The following PTCHD4 variants were observed in gnomAD, a reference collection of about 807,000 sequenced individuals.
PTCHD4 encodes patched domain containing 4.
A neutral mutation model predicts 58.1 loss-of-function variants in PTCHD4; 33 were observed. The observed-to-expected ratio is 0.57, with a 90% CI of 0.43 to 0.76. The LOEUF (loss-of-function observed/expected upper bound fraction) is 0.76. PTCHD4 is among the 30% of genes least tolerant of loss of function. PTCHD4 has a pLI of 0.00. For synonymous variants in PTCHD4, 478 were observed against 409.6 expected, an observed-to-expected ratio of 1.17 and a Z score of -2.02; for missense variants, 1,058 against 1,027.1, an observed-to-expected ratio of 1.03 and a Z score of -0.41.
intron 3 of PTCHD4, among the ~76,000 whole-genome samples, chr6:48,027,131 T>C (rs1038825353): frequency 1.3e-5 from 2 of 152,134 alleles, no homozygotes; most frequent in Non-Finnish European, 2.9e-5. Context: ...GATATGTATA[T>C]GTAATATTTT....
intron 4 of PTCHD4, among the ~76,000 whole-genome samples, chr6:47,908,441 C>A (rs1764970009): frequency 6.6e-6 from 1 of 152,162 alleles, no homozygotes. Flanking sequence ...TTGACTAATG[C>A]CTCCAGGACA....
chr6:48,102,821 C>A (rs534529295), intron 1 of PTCHD4, among the ~76,000 whole-genome samples: 1 of 152,206 alleles, frequency 6.6e-6, no homozygotes, highest in Non-Finnish European at 1.5e-5. Context: ...GCACATGGCT[C>A]GGAGGGTCCT....
intron 1 of PTCHD4, among the ~76,000 whole-genome samples, chr6:48,085,548 T>G (rs931862074): frequency 6.6e-6 from 1 of 152,236 alleles, no homozygotes; most frequent in Non-Finnish European, 1.5e-5. Context: ...TAGCTGACTA[T>G]TGATATACTC....
intron 1 of PTCHD4, among the ~76,000 whole-genome samples, chr6:48,106,643 GA>G (rs1260786289): frequency 6.6e-6 from 1 of 152,146 alleles, no homozygotes; most frequent in Non-Finnish European, 1.5e-5. Flanking sequence ...ATTCAATTAG[GA>G]AAAGAGGAAG....
rs773139815 is a variant in PTCHD4 at position 47,878,987 on chromosome 6, C to T, written c.1848G>A (p.Gln616=). 3 of 1,613,170 alleles carry T rather than the reference C, an allele frequency of 1.9e-6. No homozygotes were observed. In the South Asian group the frequency reaches 3.3e-5, roughly 18 times the overall value. ...YLVARTSRDK[Q]KEITEVLEKL... Reference sequence around the variant, plus strand: ...TTTCCAACACTTCTGTGATTTCTTTCTGCTTGTCTCTGCTAGTCCTGGCCA... The same window carrying T: ...TTTCCAACACTTCTGTGATTTCTTTTTGCTTGTCTCTGCTAGTCCTGGCCA... The change falls in exon 5 of 5, where the codon CAG becomes CAA. Residue 616 remains glutamine (Q), a synonymous_variant. Coordinates refer to ENST00000339488, the MANE Select transcript of PTCHD4 (RefSeq NM_001384253.1).
intron 4 of PTCHD4, among the ~76,000 whole-genome samples, chr6:47,896,317 A>C (rs1764528276): frequency 6.6e-6 from 1 of 152,240 alleles, no homozygotes; most frequent in Admixed American, 6.5e-5. Context: ...CAAAGGAAAG[A>C]AACCCGTTTC....
rs1392740183 is a variant in PTCHD4 at position 47,870,927 on chromosome 6, A to G, written c.*7376T>C. Among the ~76,000 whole-genome samples, 2 of 151,550 alleles carry G rather than the reference A, an allele frequency of 1.3e-5. No individual in the cohort carries two copies. The highest frequency in any genetic ancestry group is 4.8e-5 in the African/African-American group (2 of 41,356). ...GAACCTATATGTAATAGAGTATTTT[A>G]GAAGGAATATTGTTATGGGTAAAGA... On this transcript the variant is annotated 3_prime_UTR_variant, in exon 5 of 5. Coordinates refer to ENST00000339488, the MANE Select transcript of PTCHD4 (RefSeq NM_001384253.1).
chr6:47,938,945 C>T (rs1241768647), intron 4 of PTCHD4, among the ~76,000 whole-genome samples: 3 of 151,990 alleles, frequency 2.0e-5, no homozygotes, highest in Middle Eastern at 3.4e-3. Context: ...AGGTCACAGT[C>T]GAGTGGAAAG....
At position 47,870,096 on chromosome 6, in the gene PTCHD4, A is replaced by G. The variant is rs910422978; in HGVS notation, c.*8207T>C. Among the ~76,000 whole-genome samples, 2 of 151,710 alleles carry G rather than the reference A, an allele frequency of 1.3e-5. No individual in the cohort carries two copies. Among genetic ancestry groups the G allele is most frequent in the African/African-American group, 4.8e-5 (2 of 41,396 alleles). ...CTTTAATATATAAATTATTTCTATT[A>G]TTATGACTAATGGAACTAGATTTCT... On this transcript the variant is annotated 3_prime_UTR_variant, in exon 5 of 5. Transcript: ENST00000339488.
intron 4 of PTCHD4, among the ~76,000 whole-genome samples, chr6:47,951,260 G>A (rs1766635914): frequency 6.6e-6 from 1 of 152,162 alleles, no homozygotes; most frequent in Admixed American, 6.6e-5. Flanking sequence ...CATTACTTCA[G>A]GGTTAGTATA....
chr6:47,934,761 T>C (rs1765942770), intron 4 of PTCHD4, among the ~76,000 whole-genome samples: 2 of 152,332 alleles, frequency 1.3e-5, no homozygotes, highest in South Asian at 4.1e-4. Context: ...CTCACCCACT[T>C]TGATTCTGTT....
intron 3 of PTCHD4, among the ~76,000 whole-genome samples, chr6:48,022,818 G>A (rs986773797): frequency 3.7e-4 from 57 of 152,130 alleles, no homozygotes; most frequent in Non-Finnish European, 7.8e-4. Flanking sequence ...CAAAAGCAAA[G>A]TGTATGTGTT....
At chr6:47,931,036 C>T (rs149063534) in intron 4 of PTCHD4, among the ~76,000 whole-genome samples, 2,581 of 152,342 alleles carry the variant, frequency 0.017, 33 homozygotes, top group South Asian at 0.03. Context: ...CCACCCGCCT[C>T]GGCCTCCCAA....
At chr6:48,061,318 A>G (rs1764618540) in intron 3 of PTCHD4, among the ~76,000 whole-genome samples, 2 of 152,188 alleles carry the variant, frequency 1.3e-5, no homozygotes, top group South Asian at 4.1e-4. Flanking sequence ...ACTGTAGATG[A>G]TAGGGATGAG....
chr6:47,978,968 A>G (rs761048821), intron 4 of PTCHD4, among the ~76,000 whole-genome samples: 5 of 152,092 alleles, frequency 3.3e-5, no homozygotes, highest in Non-Finnish European at 5.9e-5. Context: ...TGAATATTCT[A>G]TTTATTCTTA....
At chr6:47,983,321 C>T (rs938834157) in intron 4 of PTCHD4, among the ~76,000 whole-genome samples, 13 of 151,894 alleles carry the variant, frequency 8.6e-5, no homozygotes, top group South Asian at 4.2e-4. Context: ...TTAATGGTGC[C>T]TTGTAATGCC....
chr6:48,073,981 A>C (rs1028502389), intron 1 of PTCHD4, among the ~76,000 whole-genome samples: 2 of 152,120 alleles, frequency 1.3e-5, no homozygotes, highest in African/African-American at 4.8e-5. Context: ...GTTCAGGGCT[A>C]TCATCTGACC....
At chr6:47,920,228 G>A (rs553114723) in intron 4 of PTCHD4, among the ~76,000 whole-genome samples, 2 of 152,206 alleles carry the variant, frequency 1.3e-5, no homozygotes, top group Admixed American at 6.5e-5. Flanking sequence ...ATTGGATTTG[G>A]GATATAATTT....
chr6:47,901,360 A>G (rs889536329), intron 4 of PTCHD4: 5 of 803,266 alleles, frequency 6.2e-6, no homozygotes, highest in Non-Finnish European at 6.0e-6. Flanking sequence ...TATTTATCTC[A>G]TAGAATTATT....
Sources: allele counts gnomAD v4.1 joint callset (sites outside exome capture counted in the v4.1 genomes callset), GRCh38; gene constraint gnomAD v4.1.1; transcripts MANE v1.5; gene names NCBI Gene and HGNC (gene_info 2026-07-23, HGNC 2026-07-21).